The following DOCK5 variants were observed in gnomAD, a reference collection of about 807,000 sequenced individuals.
DOCK5 encodes the protein dedicator of cytokinesis protein 5.
Under a neutral mutation model 251.8 loss-of-function variants are expected in DOCK5, and 142 were observed. The ratio of observed to expected loss-of-function variants is 0.56; its 90% CI spans 0.49 to 0.65. The LOEUF (loss-of-function observed/expected upper bound fraction) is 0.65, where lower values mean the gene tolerates loss of function less well. Among genes scored for constraint, DOCK5 ranks in the 30% least tolerant of loss-of-function variants. The pLI is 0.00. For missense variants in DOCK5, 2,111 were observed against 2,312.3 expected, an observed-to-expected ratio of 0.91 and a Z score of 1.79; for synonymous variants, 842 against 835.5, an observed-to-expected ratio of 1.01 and a Z score of -0.13.
intron 1 of DOCK5, among the ~76,000 whole-genome samples, chr8:25,204,511 T>G (rs1409272195): frequency 1.3e-5 from 2 of 152,204 alleles, no homozygotes; most frequent in African/African-American, 4.8e-5. Flanking sequence ...TGCAAATGAA[T>G]TAAGCGATGC....
intron 40 of DOCK5, among the ~76,000 whole-genome samples, chr8:25,383,932 C>T (rs1801113878): frequency 6.6e-6 from 1 of 152,092 alleles, no homozygotes; most frequent in Non-Finnish European, 1.5e-5. Context: ...AAGTATTTAC[C>T]CAAGTGAAAT....
intron 11 of DOCK5, 135 bp downstream of exon 11, chr8:25,304,462 G>A: frequency 1.4e-6 from 1 of 735,398 alleles, no homozygotes; most frequent in Non-Finnish European, 2.1e-6. Context: ...TTGTCAGATA[G>A]GAGCTGAACA....
At chr8:25,351,584 G>A (rs1800469510) in intron 26 of DOCK5, 147 bp from the exon 27 acceptor site, 3 of 609,150 alleles carry the variant, frequency 4.9e-6, no homozygotes, top group East Asian at 5.6e-5. Flanking sequence ...ATTATTCTGT[G>A]AGACCATTTT....
intron 14 of DOCK5, among the ~76,000 whole-genome samples, chr8:25,318,440 TTC>T (rs1805321977): frequency 6.6e-6 from 1 of 151,544 alleles, no homozygotes; most frequent in Non-Finnish European, 1.5e-5. Context: ...TTCTTTTTTT[TTC>T]TCTGTCTTTC....
rs201388306 is a variant in DOCK5, at chr8:25,389,419, A to AT, written c.4273+188dup. Among the ~76,000 whole-genome samples, 397 of 152,354 alleles carry AT rather than the reference A, an allele frequency of 2.6e-3. 4 individuals are homozygous for AT. In the South Asian group the frequency reaches 0.029, roughly 11 times the overall value. On this transcript the variant is annotated intron_variant, in intron 41 of 51. Transcript: ENST00000276440. Reference sequence around the variant, plus strand: ...AATAGCATTAGCTGGTGGTGATGACATAACAAAAGAGGAGAGATAATAGAC... The same window carrying AT: ...AATAGCATTAGCTGGTGGTGATGACATTAACAAAAGAGGAGAGATAATAGAC...
chr8:25,354,062 A>G (rs1800522195), intron 27 of DOCK5, among the ~76,000 whole-genome samples: 1 of 139,756 alleles, frequency 7.2e-6, no homozygotes, highest in African/African-American at 2.6e-5. Context: ...ACAAAAAAAA[A>G]AACGTAGGAG....
chr8:25,187,272 C>CATATATGT (rs1027414709), intron 1 of DOCK5, among the ~76,000 whole-genome samples: 1 of 145,160 alleles, frequency 6.9e-6, no homozygotes, highest in Non-Finnish European at 1.5e-5. Flanking sequence ...TATACACACA[C>CATATATGT]ATATATGTAT....
chr8:25,325,395 T>A lies in DOCK5; in HGVS notation c.1751T>A (p.Phe584Tyr). 6.2e-7 allele frequency: 1 copy of A among 1,613,882 alleles called. No homozygotes were observed. Among genetic ancestry groups the A allele is most frequent in the Non-Finnish European group, 8.5e-7 (1 of 1,179,844 alleles). ...GDNKKMEDAKFYLTLPGTKME... is the reference protein window; with the variant it reads ...GDNKKMEDAKYYLTLPGTKME... Reference sequence around the variant, plus strand: ...AACAAAAAAATGGAAGATGCTAAATTCTACCTGACCCTGCCTGGAACCAAG... The same window carrying A: ...AACAAAAAAATGGAAGATGCTAAATACTACCTGACCCTGCCTGGAACCAAG... The change falls in exon 18 of 52, where the codon TTC (phenylalanine) becomes TAC (tyrosine). Residue 584 changes from phenylalanine (F) to tyrosine (Y), a missense_variant. Phe to Tyr is a conservative substitution (Grantham distance 22). This residue lies in a region of DOCK5 where 1,717 missense variants were observed against 1,892.4 expected (regional missense o/e 0.91). Coordinates refer to ENST00000276440, the MANE Select transcript of DOCK5 (RefSeq NM_024940.8).
intron 34 of DOCK5, among the ~76,000 whole-genome samples, chr8:25,371,927 A>G (rs1170728783): frequency 6.6e-6 from 1 of 151,642 alleles, no homozygotes; most frequent in Non-Finnish European, 1.5e-5. Flanking sequence ...AAGCCCCAGA[A>G]CTTGGCTCTG....
At chr8:25,190,691 T>G (rs1801557624) in intron 1 of DOCK5, among the ~76,000 whole-genome samples, 1 of 151,986 alleles carries the variant, frequency 6.6e-6, no homozygotes, top group African/African-American at 2.4e-5. Flanking sequence ...TGATACTTGT[T>G]GACCACCTCT....
intron 8 of DOCK5, among the ~76,000 whole-genome samples, chr8:25,299,775 T>C (rs1804713001): frequency 6.6e-6 from 1 of 152,176 alleles, no homozygotes; most frequent in Admixed American, 6.6e-5. Context: ...CCTACAGTGG[T>C]ACTACTGTTT....
Position 25,307,242 on chromosome 8 carries a change from CT to C in DOCK5, c.1050-1540del, listed in dbSNP as rs780179005. On this transcript the variant is annotated intron_variant, in intron 11 of 51. Coordinates refer to ENST00000276440, the MANE Select transcript of DOCK5 (RefSeq NM_024940.8). Reference sequence around the variant, plus strand: ...CAAGCAATTCTCCTGCCTCAGCCTCCTGAGTAGCTGAGATTACAGGTGCATG... The same window carrying C: ...CAAGCAATTCTCCTGCCTCAGCCTCCGAGTAGCTGAGATTACAGGTGCATG... Among the ~76,000 whole-genome samples, 6 of 152,200 alleles carry C rather than the reference CT, an allele frequency of 3.9e-5. No homozygotes were observed. In the East Asian group the frequency reaches 9.7e-4, roughly 25 times the overall value.
intron 1 of DOCK5, among the ~76,000 whole-genome samples, chr8:25,192,057 G>A (rs902899487): frequency 3.9e-4 from 59 of 151,870 alleles, no homozygotes; most frequent in African/African-American, 1.4e-3. Context: ...TGAGAATGAT[G>A]GTTTCCAGCT....
chr8:25,284,018 G>A (rs1438271210), intron 5 of DOCK5, among the ~76,000 whole-genome samples: 1 of 152,060 alleles, frequency 6.6e-6, no homozygotes, highest in Non-Finnish European at 1.5e-5. Context: ...CTTAAGTTCT[G>A]GCTTCTCCCT....
chr8:25,390,422 C>CT, intron 42 of DOCK5, 135 bp downstream of exon 42: 1 of 703,776 alleles, frequency 1.4e-6, no homozygotes, highest in South Asian at 2.0e-5. Context: ...GCCTGGGCAA[C>CT]AAAGTGGGAT....
intron 41 of DOCK5, among the ~76,000 whole-genome samples, chr8:25,389,741 AGTT>A (rs1490079482): frequency 2.0e-5 from 3 of 152,176 alleles, no homozygotes; most frequent in Non-Finnish European, 4.4e-5. Flanking sequence ...CCTCATGTAG[AGTT>A]GTTGTGTATA....
rs775538205 is a variant in DOCK5 at position 25,363,115 on chromosome 8, G to A, written c.3018G>A (p.Trp1006Ter). 6.2e-7 allele frequency: 1 copy of A among 1,614,048 alleles called. No homozygotes were observed. The highest frequency in any genetic ancestry group is 8.5e-7 in the Non-Finnish European group (1 of 1,179,896). ...LIGKNVYAKD[W>*]MVMNMTQNRV... is the part of the protein sequence containing the mutation. Reference sequence around the variant, plus strand: ...GAAAGAATGTCTATGCCAAAGATTGGATGGTGATGAATATGACTCAAAACA... The same window carrying A: ...GAAAGAATGTCTATGCCAAAGATTGAATGGTGATGAATATGACTCAAAACA... Residue 1006 changes from tryptophan to a stop codon, truncating the protein, a stop_gained, in exon 29 of 52, where the codon TGG (tryptophan) becomes TGA (stop). Transcript: ENST00000276440. LOFTEE classifies it high-confidence loss of function.
chr8:25,406,204 C>T (rs886962104), intron 48 of DOCK5, among the ~76,000 whole-genome samples: 7 of 152,140 alleles, frequency 4.6e-5, no homozygotes, highest in Non-Finnish European at 5.9e-5. Flanking sequence ...GTGATTCGCC[C>T]GCCTCAGCTT....
At chr8:25,395,396 G>T in intron 44 of DOCK5, 147 bp from the exon 45 acceptor site, 1 of 868,052 alleles carries the variant, frequency 1.2e-6, no homozygotes, top group Non-Finnish European at 1.7e-6. Context: ...TGGGACCCCT[G>T]CTATAAGTCT....
Sources: gnomAD v4.1 joint callset for allele counts (sites outside exome capture counted in the v4.1 genomes callset) on GRCh38, gnomAD v4.1.1 for gene constraint, gnomAD v4.1.1 regional missense constraint, MANE v1.5 for transcripts, NCBI Gene and HGNC (gene_info 2026-07-23, HGNC 2026-07-21) for gene names.